PKP2: variants seen among roughly 807,000 people sequenced by gnomAD.
PKP2 encodes the protein plakophilin 2, also known as plakophilin-2.
PKP2 carries 73 observed loss-of-function variants against 83.4 expected under a neutral mutation model. That is an observed-to-expected ratio of 0.88 (90% CI 0.72 to 1.06). The LOEUF (loss-of-function observed/expected upper bound fraction) is 1.06, where lower values mean the gene tolerates loss of function less well. Among genes scored for constraint, PKP2 ranks in the 50% least tolerant of loss-of-function variants. The probability of loss-of-function intolerance (pLI) is 0.00; values close to 1 mark genes in which losing one functional copy is unlikely to be tolerated. For missense variants in PKP2, 966 were observed against 1,065.4 expected, an observed-to-expected ratio of 0.91 and a Z score of 1.30; for synonymous variants, 409 against 430.4, an observed-to-expected ratio of 0.95 and a Z score of 0.62.
intron 3 of PKP2, among the ~76,000 whole-genome samples, chr12:32,869,491 C>CA (rs890166109): frequency 1.1e-4 from 17 of 150,400 alleles, no homozygotes; most frequent in African/African-American, 4.2e-4. Context: ...CTGTAATACT[C>CA]AGGAGGCTGA....
At chr12:32,808,172 G>T (rs1236055072) in intron 9 of PKP2, among the ~76,000 whole-genome samples, 1 of 152,136 alleles carries the variant, frequency 6.6e-6, no homozygotes, top group African/African-American at 2.4e-5. Context: ...GTCAGTTGCA[G>T]GTTCCATCTC....
At position 32,879,000 on chromosome 12, in the gene PKP2, A is replaced by G; in HGVS notation, c.256T>C (p.Tyr86His). The G allele has an allele frequency of 6.2e-7, 1 of 1,600,486 alleles. No homozygotes were observed. Among genetic ancestry groups the G allele is most frequent in the Non-Finnish European group, 8.6e-7 (1 of 1,169,218 alleles). ...TCAACCAAGTGTAGGTTGTAGACATACTCAGGAACACTGCTGGTTCGGTGA... is the reference window on the plus strand; with the variant it reads ...TCAACCAAGTGTAGGTTGTAGACATGCTCAGGAACACTGCTGGTTCGGTGA... Reference protein sequence around the residue: ...NLHRTSSVPEYVYNLHLVEND... With the variant: ...NLHRTSSVPEHVYNLHLVEND... The change falls in exon 2 of 13, where the codon TAT becomes CAT. Residue 86 changes from tyrosine (Y) to histidine (H), a missense_variant. By Grantham distance (83) the Tyr-to-His change is moderately conservative. Coordinates refer to ENST00000340811, the MANE Select transcript of PKP2 (RefSeq NM_001005242.3).
At chr12:32,868,833 A>T (rs1027124959) in intron 4 of PKP2, 94 bp downstream of exon 4, 2 of 1,416,326 alleles carry the variant, frequency 1.4e-6, no homozygotes, top group African/African-American at 2.8e-5. Flanking sequence ...CAATTTTTAA[A>T]AATTTAAATA....
chr12:32,830,698 G>C, intron 6 of PKP2, among the ~76,000 whole-genome samples: 1 of 152,072 alleles, frequency 6.6e-6, no homozygotes, highest in South Asian at 2.1e-4. Flanking sequence ...CCTGAGGTCA[G>C]GAGTTCAAGA....
chr12:32,870,131 A>T (rs1328745998), intron 3 of PKP2, among the ~76,000 whole-genome samples: 3 of 152,220 alleles, frequency 2.0e-5, no homozygotes, highest in Non-Finnish European at 4.4e-5. Context: ...TCCAGGTAAC[A>T]TTCCAGACAC....
chr12:32,806,458 A>C (rs1956226569), intron 9 of PKP2, among the ~76,000 whole-genome samples: 1 of 152,184 alleles, frequency 6.6e-6, no homozygotes, highest in Non-Finnish European at 1.5e-5. Context: ...GTATGCGTCC[A>C]GGAGTTTATC....
chr12:32,847,398 A>G (rs772965287), intron 5 of PKP2, among the ~76,000 whole-genome samples: 1 of 152,234 alleles, frequency 6.6e-6, no homozygotes, highest in Middle Eastern at 3.4e-3. Flanking sequence ...CCATTTATCA[A>G]CTCTATAGAT....
chr12:32,894,283 T>C (rs916944410), intron 1 of PKP2: 1 of 152,168 alleles, frequency 6.6e-6, no homozygotes, highest in Non-Finnish European at 1.5e-5. Context: ...CACTTACTAC[T>C]TTTTATTTGG....
At chr12:32,830,233 GT>G (rs1371666814) in intron 6 of PKP2, among the ~76,000 whole-genome samples, 2 of 152,144 alleles carry the variant, frequency 1.3e-5, no homozygotes, top group African/African-American at 4.8e-5. Context: ...TTGGGCTTTT[GT>G]TTAACTCCCA....
chr12:32,896,776 G>T lies in PKP2; in HGVS notation c.-45C>A. 9.3e-7 allele frequency: 1 copy of T among 1,080,486 alleles called. No individual in the cohort carries two copies. The highest frequency in any genetic ancestry group is 1.2e-6 in the Non-Finnish European group (1 of 806,590). The allele number at this position is 1,080,486 out of a possible 1,614,324, so 66.9% of individuals were successfully genotyped here. ...GAGCTGCTCGCCTGCCTCTGGACTCGCGGGCGAAGCCGCCACGGAGCTGGG... is the reference window on the plus strand; with the variant it reads ...GAGCTGCTCGCCTGCCTCTGGACTCTCGGGCGAAGCCGCCACGGAGCTGGG... On this transcript the variant is annotated 5_prime_UTR_variant, in exon 1 of 13. Coordinates refer to ENST00000340811, the MANE Select transcript of PKP2 (RefSeq NM_001005242.3).
chr12:32,823,368 G>T (rs1197145660), intron 7 of PKP2, among the ~76,000 whole-genome samples: 1 of 138,952 alleles, frequency 7.2e-6, no homozygotes, highest in Non-Finnish European at 1.5e-5. Flanking sequence ...AGTGAGCTGA[G>T]ATCGCACCAC....
At chr12:32,842,235 G>A (rs769684837) in intron 5 of PKP2, among the ~76,000 whole-genome samples, 4 of 151,892 alleles carry the variant, frequency 2.6e-5, no homozygotes, top group Admixed American at 6.6e-5. Flanking sequence ...AAGTTGCCTC[G>A]TCATCTTTCT....
intron 4 of PKP2, among the ~76,000 whole-genome samples, chr12:32,864,338 A>G (rs1049027704): frequency 4.1e-5 from 6 of 146,932 alleles, no homozygotes; most frequent in Middle Eastern, 3.6e-3. Context: ...ACACACACAC[A>G]TACACACGTA....
intron 9 of PKP2, among the ~76,000 whole-genome samples, chr12:32,819,819 G>C (rs564256627): frequency 9.9e-5 from 15 of 151,822 alleles, no homozygotes; most frequent in African/African-American, 3.6e-4. Context: ...AAGCTTAAAG[G>C]GTTAGCTTAT....
At chr12:32,830,904 TA>T (rs35463895) in intron 6 of PKP2, among the ~76,000 whole-genome samples, 125,746 of 145,532 alleles carry the variant, frequency 0.86, 54,293 homozygotes, top group Non-Finnish European at 0.92. Context: ...AGACTGCATC[TA>T]AAAAAAAAAA....
chr12:32,821,416 G>A lies in PKP2; in HGVS notation c.1953C>T (p.Arg651=). The A allele has an allele frequency of 1.2e-6, 2 of 1,614,076 alleles. No individual in the cohort carries two copies. The highest frequency in any genetic ancestry group is 1.7e-6 in the Non-Finnish European group (2 of 1,179,992). The change falls in exon 9 of 13, where the codon CGC becomes CGT. Residue 651 remains arginine, a synonymous_variant. Transcript: ENST00000340811. ...MYLSLIAKSV[R]NYTQEASLGA... ...CTAAGGATGCTTCTTGTGTGTAGTT[G>A]CGGACACTTTTGGCGATCAAGGACA...
intron 1 of PKP2, among the ~76,000 whole-genome samples, chr12:32,885,260 G>T (rs1957021315): frequency 6.6e-6 from 1 of 152,184 alleles, no homozygotes; most frequent in Admixed American, 6.6e-5. Flanking sequence ...GTGTTCATTG[G>T]AATGATATGA....
intron 1 of PKP2, among the ~76,000 whole-genome samples, chr12:32,880,294 G>C (rs1368100668): frequency 6.6e-6 from 1 of 151,900 alleles, no homozygotes; most frequent in African/African-American, 2.4e-5. Flanking sequence ...CAGCTACTCG[G>C]GAGGCTGAGG....
chr12:32,881,525 C>A (rs1460017479), intron 1 of PKP2, among the ~76,000 whole-genome samples: 1 of 152,104 alleles, frequency 6.6e-6, no homozygotes. Flanking sequence ...GCCTCCCTTA[C>A]TTGAAAGCAA....
Sources: gnomAD v4.1 joint callset for allele counts (sites outside exome capture counted in the v4.1 genomes callset) on GRCh38, gnomAD v4.1.1 for gene constraint, MANE v1.5 for transcripts, NCBI Gene and HGNC (gene_info 2026-07-23, HGNC 2026-07-21) for gene names.